The following UBE2H variants were observed in gnomAD, a reference collection of about 807,000 sequenced individuals.
UBE2H encodes the protein ubiquitin conjugating enzyme E2 H.
In UBE2H, 3 loss-of-function variants were observed where a neutral mutation model predicts 29.0. That is an observed-to-expected ratio of 0.10 (90% CI 0.05 to 0.27). UBE2H has a LOEUF of 0.27. Among genes scored for constraint, UBE2H ranks in the 10% least tolerant of loss-of-function variants. UBE2H has a pLI of 1.00. For synonymous variants in UBE2H, 69 were observed against 82.9 expected (o/e 0.83, Z 0.91); for missense variants, 68 against 228.2 (o/e 0.30, Z 4.52).
chr7:129,922,914 T>C (rs1268660574), intron 1 of UBE2H, among the ~76,000 whole-genome samples: 1 of 151,996 alleles, frequency 6.6e-6, no homozygotes, highest in Non-Finnish European at 1.5e-5. Flanking sequence ...TTTTTTTCTT[T>C]TTTTTGAGAA....
At chr7:129,837,877 T>C (rs987399504) in intron 6 of UBE2H, among the ~76,000 whole-genome samples, 1 of 152,148 alleles carries the variant, frequency 6.6e-6, no homozygotes, top group African/African-American at 2.4e-5. Flanking sequence ...GAGTGAGCCA[T>C]TCTAAGATAA....
intron 1 of UBE2H, among the ~76,000 whole-genome samples, chr7:129,932,773 CAAAAAAAAA>C (rs1208871059): frequency 9.0e-5 from 3 of 33,210 alleles, no homozygotes; most frequent in African/African-American, 1.3e-4. Context: ...GACTCCGTCT[CAAAAAAAAA>C]AAAAAAAAAA....
At chr7:129,838,339 G>C (rs1261861893) in intron 6 of UBE2H, among the ~76,000 whole-genome samples, 1 of 152,168 alleles carries the variant, frequency 6.6e-6, no homozygotes, top group Non-Finnish European at 1.5e-5. Flanking sequence ...TCAGAGTGAA[G>C]ACCTGCACAT....
rs184485376 is a variant in UBE2H, at chr7:129,886,911, A to C, written c.54-5940T>G. Among the ~76,000 whole-genome samples, 4 of 152,220 alleles carry C rather than the reference A, an allele frequency of 2.6e-5. No individual in the cohort carries two copies. In the East Asian group the frequency reaches 7.7e-4, roughly 29 times the overall value. On this transcript the variant is annotated intron_variant, in intron 1 of 6. Coordinates refer to ENST00000355621, the MANE Select transcript of UBE2H (RefSeq NM_003344.4). ...TAAATGGAAATATTTACTAATAAAAATGTTTCTAGGATTTGCTAGTAAATA... is the reference window on the plus strand; with the variant it reads ...TAAATGGAAATATTTACTAATAAAACTGTTTCTAGGATTTGCTAGTAAATA...
At chr7:129,875,528 A>G (rs1284026719) in intron 3 of UBE2H, among the ~76,000 whole-genome samples, 1 of 152,244 alleles carries the variant, frequency 6.6e-6, no homozygotes, top group Non-Finnish European at 1.5e-5. Context: ...AAGGATATAA[A>G]ATATTTACCA....
chr7:129,902,261 G>A lies in UBE2H; in HGVS notation c.54-21290C>T, dbSNP rs775624605. Among the ~76,000 whole-genome samples the A allele has an allele frequency of 6.5e-4, 99 of 152,306 alleles. 1 individual carries two copies. The highest frequency in any genetic ancestry group is 2.2e-3 in the Admixed American group (34 of 15,302). On this transcript the variant is annotated intron_variant, in intron 1 of 6. Transcript: ENST00000355621. The stretch of plus-strand genomic sequence containing the variant: ...CAGCTGTAATCTCAGCACTTTGGGA[G>A]GCCGAGGCGGATGGATCACCTGAGG...
intron 1 of UBE2H, among the ~76,000 whole-genome samples, chr7:129,886,609 T>C (rs1158966670): frequency 1.3e-5 from 2 of 151,846 alleles, no homozygotes; most frequent in Non-Finnish European, 2.9e-5. Flanking sequence ...GGGAATGAGG[T>C]CCTGGCATAA....
rs141858279 is a variant in UBE2H at position 129,882,125 on chromosome 7, C to G, written c.54-1154G>C. On this transcript the variant is annotated intron_variant, in intron 1 of 6. Transcript: ENST00000355621. ...CTTACCTACCCCTGAGATTCTTGCC[C>G]CTTTAAGGTGCTAAGATTCAATTCT... Among the ~76,000 whole-genome samples, 689 of 152,210 alleles carry G rather than the reference C, an allele frequency of 4.5e-3. 6 individuals are homozygous for G. Among genetic ancestry groups the G allele is most frequent in the African/African-American group, 0.016 (656 of 41,520 alleles).
At chr7:129,900,400 T>C (rs1806686307) in intron 1 of UBE2H, among the ~76,000 whole-genome samples, 1 of 152,234 alleles carries the variant, frequency 6.6e-6, no homozygotes, top group African/African-American at 2.4e-5. Flanking sequence ...TGAGATCCCA[T>C]AGAAGATAAT....
At chr7:129,917,979 T>A (rs1807077546) in intron 1 of UBE2H, among the ~76,000 whole-genome samples, 1 of 152,226 alleles carries the variant, frequency 6.6e-6, no homozygotes, top group African/African-American at 2.4e-5. Flanking sequence ...GTGCTTACTA[T>A]TCCATGCTAT....
chr7:129,952,595 TC>T lies in UBE2H; in HGVS notation c.-41del, dbSNP rs766348458. Reference sequence around the variant, plus strand: ...CTCTCTCCCTTCCTCGGCCCGTCTGTCACGGGCCCGGGGCCCCGGCTCTGAG... The same window carrying T: ...CTCTCTCCCTTCCTCGGCCCGTCTGTACGGGCCCGGGGCCCCGGCTCTGAG... On this transcript the variant is annotated 5_prime_UTR_variant, in exon 1 of 7. Coordinates refer to ENST00000355621, the MANE Select transcript of UBE2H (RefSeq NM_003344.4). The T allele has an allele frequency of 1.6e-5, 26 of 1,604,364 alleles. No individual in the cohort carries two copies. The highest frequency in any genetic ancestry group is 3.3e-5 in the Admixed American group (2 of 59,718).
intron 1 of UBE2H, among the ~76,000 whole-genome samples, chr7:129,884,258 A>T (rs1242746348): frequency 2.0e-5 from 3 of 151,940 alleles, no homozygotes; most frequent in African/African-American, 7.3e-5. Flanking sequence ...TCTACTAAAA[A>T]TACAAAAAAT....
intron 3 of UBE2H, 30 bp from the exon 4 acceptor site, chr7:129,858,971 A>T: frequency 1.3e-6 from 2 of 1,579,528 alleles, no homozygotes; most frequent in Non-Finnish European, 1.7e-6. Context: ...TTAGCAGCAA[A>T]AAGTATCCAG....
At chr7:129,932,741 T>A (rs1043752993) in intron 1 of UBE2H, among the ~76,000 whole-genome samples, 1 of 122,786 alleles carries the variant, frequency 8.1e-6, no homozygotes, top group South Asian at 2.6e-4. Flanking sequence ...GCCATTGCAC[T>A]CCAGCCTGGG....
chr7:129,863,518 A>C (rs1197758123), intron 3 of UBE2H, among the ~76,000 whole-genome samples: 3 of 152,190 alleles, frequency 2.0e-5, no homozygotes, highest in Non-Finnish European at 2.9e-5. Context: ...TTTAATAACA[A>C]TGGCAAGCAC....
intron 5 of UBE2H, among the ~76,000 whole-genome samples, chr7:129,848,867 T>C (rs1287857315): frequency 2.1e-5 from 2 of 94,238 alleles, no homozygotes; most frequent in Non-Finnish European, 4.3e-5. Flanking sequence ...AGGCCTGAAA[T>C]AGGGCAAATA....
Position 129,952,721 on chromosome 7 carries a change from C to G in UBE2H, c.-166G>C. 1.4e-6 allele frequency: 1 copy of G among 695,050 alleles called. No individual in the cohort carries two copies. The highest frequency in any genetic ancestry group is 2.1e-6 in the Non-Finnish European group (1 of 481,926). The allele number at this position is 695,050 out of a possible 1,614,324, so 43.1% of individuals were successfully genotyped here. ...CCGCCGCCCCCCGCACGGGGGAACA[C>G]CGGGCACTGTCCGGCCGGGTGGGGG... On this transcript the variant is annotated 5_prime_UTR_variant, in exon 1 of 7. Coordinates refer to ENST00000355621, the MANE Select transcript of UBE2H (RefSeq NM_003344.4).
At chr7:129,883,421 C>G (rs1806293994) in intron 1 of UBE2H, among the ~76,000 whole-genome samples, 1 of 152,120 alleles carries the variant, frequency 6.6e-6, no homozygotes, top group Admixed American at 6.6e-5. Context: ...TTCACCGAAA[C>G]CGATGTTTAA....
intron 1 of UBE2H, among the ~76,000 whole-genome samples, chr7:129,944,183 T>C (rs1274558583): frequency 4.0e-5 from 6 of 151,472 alleles, no homozygotes; most frequent in East Asian, 2.0e-4. Context: ...GGTGAAACCC[T>C]GTCGCTACTA....
Sources: allele counts gnomAD v4.1 joint callset (sites outside exome capture counted in the v4.1 genomes callset), GRCh38; gene constraint gnomAD v4.1.1; transcripts MANE v1.5; gene names NCBI Gene and HGNC (gene_info 2026-07-23, HGNC 2026-07-21).